The following EXPH5 variants were observed in gnomAD, a reference collection of about 807,000 sequenced individuals.
EXPH5 encodes exophilin-5.
A neutral mutation model predicts 41.1 loss-of-function variants in EXPH5; 42 were observed. The observed-to-expected ratio is 1.02, with a 90% CI of 0.80 to 1.32. The LOEUF (loss-of-function observed/expected upper bound fraction) is 1.32, where lower values mean the gene tolerates loss of function less well. Among genes scored for constraint, EXPH5 ranks in the 40% most tolerant of loss-of-function variants. The pLI is 0.00. For synonymous variants in EXPH5, 798 were observed against 833.5 expected, an observed-to-expected ratio of 0.96 and a Z score of 0.73; for missense variants, 2,298 against 2,314.5, an observed-to-expected ratio of 0.99 and a Z score of 0.15.
chr11:108,511,783 C>T lies in EXPH5; in HGVS notation c.3724G>A (p.Asp1242Asn), dbSNP rs1591661805. The T allele has an allele frequency of 1.9e-6, 3 of 1,609,792 alleles. No homozygotes were observed. Among genetic ancestry groups the T allele is most frequent in the Non-Finnish European group, 2.5e-6 (3 of 1,179,020 alleles). ...ACCACCTCCAGACATTTTACATTAT[C>T]TTCATCACCAGAAACAGAAAACGTA... ...TSTFSVSGDE[D>N]NVKCLEVVSI... The change falls in exon 6 of 6, where the codon GAT (aspartate) becomes AAT (asparagine). Residue 1242 changes from aspartate (D) to asparagine (N), a missense_variant. Transcript: ENST00000265843.
At chr11:108,528,558 T>C (rs1313008739) in intron 3 of EXPH5, among the ~76,000 whole-genome samples, 1 of 152,180 alleles carries the variant, frequency 6.6e-6, no homozygotes, top group Non-Finnish European at 1.5e-5. Context: ...CTGAGATGGA[T>C]ATTATGGCTA....
chr11:108,512,045 T>C lies in EXPH5; in HGVS notation c.3462A>G (p.Pro1154=). 6.2e-7 allele frequency: 1 copy of C among 1,600,194 alleles called. No homozygotes were observed. Among genetic ancestry groups the C allele is most frequent in the Middle Eastern group, 1.7e-4 (1 of 5,958 alleles). Residue 1154 remains proline, a synonymous_variant, in exon 6 of 6, where the codon CCA becomes CCG. Transcript: ENST00000265843. The part of the protein sequence containing the change: ...TSGMDASELT[P]RAWERIISPV... Reference sequence around the variant, plus strand: ...GGCTAATGATTCTCTCCCAAGCCCTTGGTGTTAGCTCAGAAGCATCCATGC... The same window carrying C: ...GGCTAATGATTCTCTCCCAAGCCCTCGGTGTTAGCTCAGAAGCATCCATGC...
chr11:108,529,398 T>C (rs1281965524), intron 3 of EXPH5, among the ~76,000 whole-genome samples: 1 of 152,138 alleles, frequency 6.6e-6, no homozygotes, highest in Admixed American at 6.5e-5. Context: ...AGTGGTATGA[T>C]CTCAGTACAC....
chr11:108,591,441 G>C (rs2094127375), intron 1 of EXPH5, among the ~76,000 whole-genome samples: 1 of 152,120 alleles, frequency 6.6e-6, no homozygotes, highest in South Asian at 2.1e-4. Context: ...AGTGGAAGTG[G>C]GGAATTAATC....
At position 108,524,888 on chromosome 11, in the gene EXPH5, T is replaced by C. The variant is rs539281475; in HGVS notation, c.492+3248A>G. Among the ~76,000 whole-genome samples, 15 of 152,340 alleles carry C rather than the reference T, an allele frequency of 9.8e-5. No homozygotes were observed. The South Asian group carries it at 3.1e-3, about 32-fold the overall frequency. On this transcript the variant is annotated intron_variant, in intron 4 of 5. Transcript: ENST00000265843. ...TTCAGTTTGTGCCAGGCAGTGGGGATACACAGCCTGATATGGTTCGGTTGT... is the reference window on the plus strand; with the variant it reads ...TTCAGTTTGTGCCAGGCAGTGGGGACACACAGCCTGATATGGTTCGGTTGT...
rs1468526649 is a variant in EXPH5 at position 108,585,344 on chromosome 11, A to C, written c.119+8074T>G. On this transcript the variant is annotated intron_variant, in intron 1 of 5. Transcript: ENST00000265843. Reference sequence around the variant, plus strand: ...ATGTTGAGCCCTACCCCTCAAGGTGATGGTAGTAAGGGATGGGGCCTTTGG... The same window carrying C: ...ATGTTGAGCCCTACCCCTCAAGGTGCTGGTAGTAAGGGATGGGGCCTTTGG... 3.3e-5 allele frequency among the ~76,000 whole-genome samples: 5 copies of C among 152,320 alleles called. No individual in the cohort carries two copies. In the South Asian group the frequency reaches 1.0e-3, roughly 32 times the overall value.
At chr11:108,557,511 A>G (rs1229861670) in intron 1 of EXPH5, among the ~76,000 whole-genome samples, 1 of 151,964 alleles carries the variant, frequency 6.6e-6, no homozygotes, top group African/African-American at 2.4e-5. Flanking sequence ...ACATCTGGCT[A>G]ATTATTTTGT....
Position 108,513,819 on chromosome 11 carries a change from A to G in EXPH5, c.1688T>C (p.Met563Thr). 6.2e-7 allele frequency: 1 copy of G among 1,605,624 alleles called. No homozygotes were observed. Among genetic ancestry groups the G allele is most frequent in the Non-Finnish European group, 8.5e-7 (1 of 1,176,470 alleles). ...FDFQRSTLDS[M>T]VVSHGNETQL... ...GGTCTCATTACCATGTGATACCACC[A>G]TGCTATCCAGTGTGGATCTCTGAAA... is the stretch of plus-strand genomic sequence containing the variant. The change falls in exon 6 of 6, where the codon ATG (methionine) becomes ACG (threonine). Residue 563 changes from methionine to threonine, a missense_variant. By Grantham distance (81) the Met-to-Thr change is moderately conservative. Transcript: ENST00000265843.
At chr11:108,539,233 A>T in intron 2 of EXPH5, 47 bp from the exon 3 acceptor site, 4 of 1,317,716 alleles carry the variant, frequency 3.0e-6, no homozygotes, top group Non-Finnish European at 4.3e-6. Flanking sequence ...CTTCCAAGTA[A>T]ATATACTTGA....
chr11:108,564,724 C>A (rs1431739101), intron 1 of EXPH5, among the ~76,000 whole-genome samples: 1 of 152,092 alleles, frequency 6.6e-6, no homozygotes, highest in African/African-American at 2.4e-5. Context: ...AAGGTTGTAT[C>A]AAATTTTCCC....
chr11:108,530,904 G>C (rs1278992574), intron 3 of EXPH5, among the ~76,000 whole-genome samples: 1 of 152,058 alleles, frequency 6.6e-6, no homozygotes, highest in Non-Finnish European at 1.5e-5. Flanking sequence ...GCAGTTTTGG[G>C]GGCCCAGAGT....
At chr11:108,529,690 C>A (rs2135988512) in intron 3 of EXPH5, among the ~76,000 whole-genome samples, 1 of 151,936 alleles carries the variant, frequency 6.6e-6, no homozygotes, top group Non-Finnish European at 1.5e-5. Context: ...ACTAAAAATA[C>A]AAAATTAGCC....
At chr11:108,540,905 T>C (rs914943839) in intron 2 of EXPH5, among the ~76,000 whole-genome samples, 2 of 141,768 alleles carry the variant, frequency 1.4e-5, no homozygotes, top group Admixed American at 7.6e-5. Flanking sequence ...TAATATTCTA[T>C]TATTTTTTTT....
chr11:108,546,850 TG>T (rs1216210279), intron 1 of EXPH5, among the ~76,000 whole-genome samples: 1 of 151,476 alleles, frequency 6.6e-6, no homozygotes, highest in Non-Finnish European at 1.5e-5. Flanking sequence ...TCACCCAGGC[TG>T]GAGTACAGTG....
intron 1 of EXPH5, among the ~76,000 whole-genome samples, chr11:108,546,177 C>G (rs1046960568): frequency 1.4e-4 from 21 of 151,886 alleles, no homozygotes; most frequent in African/African-American, 5.1e-4. Context: ...AAGCCCAAGA[C>G]AAGCAGAGAG....
intron 1 of EXPH5, among the ~76,000 whole-genome samples, chr11:108,542,772 G>T: frequency 1.3e-5 from 2 of 152,174 alleles, no homozygotes; most frequent in South Asian, 4.1e-4. Flanking sequence ...AGGCTGGAGC[G>T]CAGTGGTGTA....
intron 1 of EXPH5, among the ~76,000 whole-genome samples, chr11:108,569,425 C>T (rs922143193): frequency 3.3e-5 from 5 of 150,050 alleles, no homozygotes; most frequent in East Asian, 1.9e-4. Context: ...CTGCAACCTC[C>T]GCCTCCTAGG....
rs892266144 is a variant in EXPH5, at chr11:108,541,722, A to T, written c.210T>A (p.Asn70Lys). The part of the protein sequence containing the change: ...FEEIQRKKFC[N>K]ETDVSQMLKQ... ...TTAACATTTGGCTAACATCTGTTTCATTGCAAAACTTTTTTCTTTGAATTT... is the reference window on the plus strand; with the variant it reads ...TTAACATTTGGCTAACATCTGTTTCTTTGCAAAACTTTTTTCTTTGAATTT... The change falls in exon 2 of 6, where the codon AAT becomes AAA. Residue 70 changes from asparagine (N) to lysine (K), a missense_variant. Coordinates refer to ENST00000265843, the MANE Select transcript of EXPH5 (RefSeq NM_015065.3). The T allele has an allele frequency of 3.7e-6, 6 of 1,613,106 alleles. No homozygotes were observed. In the Admixed American group the frequency reaches 1.0e-4, roughly 27 times the overall value.
chr11:108,579,830 C>T (rs1269688276), intron 1 of EXPH5, among the ~76,000 whole-genome samples: 1 of 152,040 alleles, frequency 6.6e-6, no homozygotes, highest in African/African-American at 2.4e-5. Context: ...AGGAAAAGCC[C>T]CCTAGTTCAG....
Sources: gnomAD v4.1 joint callset for allele counts (sites outside exome capture counted in the v4.1 genomes callset) on GRCh38, gnomAD v4.1.1 for gene constraint, MANE v1.5 for transcripts, NCBI Gene and HGNC (gene_info 2026-07-23, HGNC 2026-07-21) for gene names.